SUZ12: variants seen among roughly 807,000 people sequenced by gnomAD.
The protein encoded by SUZ12 is polycomb protein SUZ12.
A neutral mutation model predicts 87.3 loss-of-function variants in SUZ12; 17 were observed. The ratio of observed to expected loss-of-function variants is 0.19; its 90% CI spans 0.13 to 0.29. SUZ12 has a LOEUF of 0.29. SUZ12 is among the 10% of genes least tolerant of loss of function. The pLI is 1.00. For synonymous variants in SUZ12, 253 were observed against 312.4 expected (o/e 0.81, Z 2.01); for missense variants, 526 against 912.2 (o/e 0.58, Z 5.45).
chr17:31,949,789 T>C (rs1906850645), intron 4 of SUZ12, among the ~76,000 whole-genome samples: 1 of 142,208 alleles, frequency 7.0e-6, no homozygotes, highest in Admixed American at 7.3e-5. Context: ...GCTCAAGCAA[T>C]TCACCTGTCT....
intron 14 of SUZ12, among the ~76,000 whole-genome samples, chr17:31,996,259 A>G (rs554158488): frequency 1.3e-5 from 2 of 152,332 alleles, no homozygotes; most frequent in South Asian, 4.1e-4. Context: ...ATTTTCTTCA[A>G]GTAAATTTGT....
chr17:31,988,597 CTTTT>C, intron 10 of SUZ12, 100 bp downstream of exon 10: 6 of 963,360 alleles, frequency 6.2e-6, no homozygotes, highest in East Asian at 3.4e-5. Context: ...TGTGATTCTT[CTTTT>C]TTTTTTTTTG....
At chr17:31,969,629 G>C (rs1268228372) in intron 5 of SUZ12, among the ~76,000 whole-genome samples, 1 of 152,118 alleles carries the variant, frequency 6.6e-6, no homozygotes, top group African/African-American at 2.4e-5. Flanking sequence ...TTTGAAACTA[G>C]TAGAAGTTGG....
Position 31,988,442 on chromosome 17 carries a change from A to G in SUZ12, c.1146A>G (p.Ser382=). The G allele has an allele frequency of 1.2e-6, 2 of 1,613,830 alleles. No homozygotes were observed. Among genetic ancestry groups the G allele is most frequent in the South Asian group, 1.1e-5 (1 of 90,978 alleles). ...PIAKPLATRN[S]ESLHQENKPG... is the part of the protein sequence containing the mutation. ...CCAAACCTCTTGCCACTAGAAATTC[A>G]GAGAGTCTCCATCAGGAAAACAAGC... is the stretch of plus-strand genomic sequence containing the variant. Residue 382 remains serine, a synonymous_variant, in exon 10 of 16, where the codon TCA becomes TCG. Coordinates refer to ENST00000322652, the MANE Select transcript of SUZ12 (RefSeq NM_015355.4).
intron 8 of SUZ12, 53 bp downstream of exon 8, chr17:31,976,667 T>C: frequency 1.5e-6 from 2 of 1,298,230 alleles, no homozygotes; most frequent in Non-Finnish European, 2.2e-6. Context: ...ATGTTTTCAT[T>C]CTGAAGCAGA....
At position 31,996,060 on chromosome 17, in the gene SUZ12, A is replaced by G. The variant is rs190398028; in HGVS notation, c.1794+298A>G. Among the ~76,000 whole-genome samples the G allele has an allele frequency of 2.2e-3, 332 of 152,240 alleles. 1 individual carries two copies. Among genetic ancestry groups the G allele is most frequent in the African/African-American group, 7.3e-3 (302 of 41,544 alleles). The stretch of plus-strand genomic sequence containing the variant: ...CCGGTCTCTACTAAAAATACAAAAA[A>G]TTAGCCAGGCATGGTGGCATGCACT... On this transcript the variant is annotated intron_variant, in intron 14 of 15. Transcript: ENST00000322652.
rs190824897 is a variant in SUZ12 at position 31,997,174 on chromosome 17, C to T, written c.1874+297C>T. Reference sequence around the variant, plus strand: ...AACTTGTTGCACAGATGTGAGTCATCGCAGCATTATTTATCAGGGTTGTTG... The same window carrying T: ...AACTTGTTGCACAGATGTGAGTCATTGCAGCATTATTTATCAGGGTTGTTG... On this transcript the variant is annotated intron_variant, in intron 15 of 15. Coordinates refer to ENST00000322652, the MANE Select transcript of SUZ12 (RefSeq NM_015355.4). 4.6e-3 allele frequency among the ~76,000 whole-genome samples: 703 copies of T among 152,178 alleles called. 7 individuals carry two copies. Among genetic ancestry groups the T allele is most frequent in the African/African-American group, 0.016 (654 of 41,506 alleles).
chr17:31,972,383 GTATA>G (rs71142099), intron 5 of SUZ12, among the ~76,000 whole-genome samples: 15,434 of 144,618 alleles, frequency 0.11, 989 homozygotes, highest in Middle Eastern at 0.16. Flanking sequence ...GTTTGTGTGT[GTATA>G]TATATATATA....
Position 31,973,156 on chromosome 17 carries a change from A to G in SUZ12, c.516A>G (p.Ser172=), listed in dbSNP as rs1360001673. 1.3e-6 allele frequency: 2 copies of G among 1,552,044 alleles called. No homozygotes were observed. The highest frequency in any genetic ancestry group is 1.2e-5 in the South Asian group (1 of 81,036). ...TGFFHKNDKP[S]PNSENEQNSV... Reference sequence around the variant, plus strand: ...TGATTTTCTATTTAGATAAGCCATCACCAAACTCAGAAAATGAACAAAATT... The same window carrying G: ...TGATTTTCTATTTAGATAAGCCATCGCCAAACTCAGAAAATGAACAAAATT... The change falls in exon 6 of 16, where the codon TCA becomes TCG. Residue 172 remains serine, a synonymous_variant. Coordinates refer to ENST00000322652, the MANE Select transcript of SUZ12 (RefSeq NM_015355.4).
At chr17:31,977,039 G>C (rs1443642147) in intron 8 of SUZ12, among the ~76,000 whole-genome samples, 3 of 152,206 alleles carry the variant, frequency 2.0e-5, no homozygotes, top group Non-Finnish European at 4.4e-5. Context: ...GATATCCTCT[G>C]GGAGGAGGTA....
intron 1 of SUZ12, among the ~76,000 whole-genome samples, 184 bp from the exon 2 acceptor site, chr17:31,940,102 A>G (rs1011591263): frequency 6.6e-6 from 1 of 152,216 alleles, no homozygotes; most frequent in African/African-American, 2.4e-5. Context: ...AATGTATGCC[A>G]TTGATTGAAT....
At chr17:31,982,744 A>G (rs2142193865) in intron 8 of SUZ12, among the ~76,000 whole-genome samples, 1 of 152,338 alleles carries the variant, frequency 6.6e-6, no homozygotes, top group South Asian at 2.1e-4. Flanking sequence ...GACCTCAGGC[A>G]TATTATACTT....
intron 13 of SUZ12, 25 bp from the exon 14 acceptor site, chr17:31,995,539 A>G: frequency 6.2e-7 from 1 of 1,608,616 alleles, no homozygotes; most frequent in Non-Finnish European, 8.5e-7. Context: ...GAGGCCATAA[A>G]TCAACATTTA....
rs751534151 is a variant in SUZ12, at chr17:31,988,418, C to G, written c.1122C>G (p.Ala374=). 1 of 1,613,976 alleles carries G rather than the reference C, an allele frequency of 6.2e-7. No homozygotes were observed. The highest frequency in any genetic ancestry group is 2.2e-5 in the East Asian group (1 of 44,868). Residue 374 remains alanine, a synonymous_variant, in exon 10 of 16, where the codon GCC becomes GCG. Coordinates refer to ENST00000322652, the MANE Select transcript of SUZ12 (RefSeq NM_015355.4). ...ETNDKSTAPI[A]KPLATRNSES... is the part of the protein sequence containing the mutation. ...ATGATAAATCTACGGCTCCTATTGC[C>G]AAACCTCTTGCCACTAGAAATTCAG... is the stretch of plus-strand genomic sequence containing the variant.
At chr17:31,938,651 A>C (rs1023584795) in intron 1 of SUZ12, among the ~76,000 whole-genome samples, 12 of 152,216 alleles carry the variant, frequency 7.9e-5, no homozygotes, top group African/African-American at 2.2e-4. Flanking sequence ...GAGAGGCTTT[A>C]ATTGGAAATA....
chr17:31,945,298 A>G (rs1472535552), intron 3 of SUZ12, among the ~76,000 whole-genome samples: 2 of 152,176 alleles, frequency 1.3e-5, no homozygotes, highest in African/African-American at 2.4e-5. Flanking sequence ...CATTGTTGGA[A>G]TAAGCATATC....
At chr17:31,963,286 A>C (rs1907851460) in intron 4 of SUZ12, among the ~76,000 whole-genome samples, 1 of 152,124 alleles carries the variant, frequency 6.6e-6, no homozygotes, top group East Asian at 1.9e-4. Flanking sequence ...CTGGGACTAC[A>C]GGCGCATGCC....
chr17:31,951,266 C>T (rs190903530), intron 4 of SUZ12, among the ~76,000 whole-genome samples: 29 of 152,158 alleles, frequency 1.9e-4, no homozygotes, highest in Admixed American at 1.2e-3. Flanking sequence ...AGTAGTATAG[C>T]CCAAAAGTTA....
chr17:31,937,392 G>C lies in SUZ12; in HGVS notation c.146G>C (p.Gly49Ala). 6.5e-7 allele frequency: 1 copy of C among 1,538,092 alleles called. No individual in the cohort carries two copies. The highest frequency in any genetic ancestry group is 2.5e-5 in the East Asian group (1 of 39,286). Reference protein sequence around the residue: ...GKSGGGSCGGGGSYSASSSSS... With the variant: ...GKSGGGSCGGAGSYSASSSSS... Reference sequence around the variant, plus strand: ...TCCGGCGGCGGGAGCTGTGGAGGGGGTGGCAGTTACTCGGCCTCCTCCTCC... The same window carrying C: ...TCCGGCGGCGGGAGCTGTGGAGGGGCTGGCAGTTACTCGGCCTCCTCCTCC... Residue 49 changes from glycine to alanine, a missense_variant, in exon 1 of 16, where the codon GGT becomes GCT. Gly to Ala is a moderately conservative substitution (Grantham distance 60, BLOSUM62 0). This residue lies in a region of SUZ12 where 92 missense variants were observed against 109.9 expected (regional missense o/e 0.84). Coordinates refer to ENST00000322652, the MANE Select transcript of SUZ12 (RefSeq NM_015355.4).
Sources: allele counts gnomAD v4.1 joint callset (sites outside exome capture counted in the v4.1 genomes callset), GRCh38; gene constraint gnomAD v4.1.1; regional missense constraint gnomAD v4.1.1; transcripts MANE v1.5; gene names NCBI Gene and HGNC (gene_info 2026-07-23, HGNC 2026-07-21).